EHMT2: variants seen among roughly 807,000 people sequenced by gnomAD.
EHMT2 encodes the protein histone-lysine N-methyltransferase EHMT2.
A neutral mutation model predicts 143.3 loss-of-function variants in EHMT2; 59 were observed. That is an observed-to-expected ratio of 0.41 (90% confidence interval 0.33 to 0.51). EHMT2 has a LOEUF of 0.51. Among genes scored for constraint, EHMT2 ranks in the 20% least tolerant of loss-of-function variants. The pLI is 0.18. For missense variants in EHMT2, 1,174 were observed against 1,645.9 expected, an observed-to-expected ratio of 0.71 and a Z score of 4.96; for synonymous variants, 604 against 651.5, an observed-to-expected ratio of 0.93 and a Z score of 1.11.
At chr6:31,886,885 T>C (rs1250372366) in exon 17 of EHMT2, 6 of 1,614,036 alleles carry the variant, frequency 3.7e-6, no homozygotes, top group Non-Finnish European at 5.1e-6. Context: ...ACTGCATTTA[T>C]GTTGGCTCCA....
rs1764335239 is a variant in EHMT2, at chr6:31,883,162, C to T, written c.2995-153G>A. On this transcript the variant is annotated intron_variant, in intron 23 of 27. Transcript: ENST00000375537. The surrounding 1 kb of genome is among the most constrained non-coding windows in gnomAD (Gnocchi z 5.6). ...AGAGCACGAAATGCAGGAGCATCATCCCTGGTTTGCATAGACCTGGGCACA... is the reference window on the plus strand; with the variant it reads ...AGAGCACGAAATGCAGGAGCATCATTCCTGGTTTGCATAGACCTGGGCACA... The T allele has an allele frequency of 1.2e-6, 1 of 862,594 alleles. No individual in the cohort carries two copies. The highest frequency in any genetic ancestry group is 1.9e-6 in the Non-Finnish European group (1 of 538,836). 53.4% of individuals were successfully genotyped at this position (862,594 alleles called of 1,614,324 possible).
intron 4 of EHMT2, 26 bp from the exon 5 acceptor site, chr6:31,892,936 A>G (rs1285104184): frequency 6.7e-7 from 1 of 1,501,464 alleles, no homozygotes; most frequent in Non-Finnish European, 9.0e-7. Context: ...GAGCACACTG[A>G]GGGTCAGAGA....
At chr6:31,892,991 G>C (rs1457031647) in intron 4 of EHMT2, 81 bp from the exon 5 acceptor site, 12 of 882,500 alleles carry the variant, frequency 1.4e-5, no homozygotes, top group Non-Finnish European at 2.1e-5. Flanking sequence ...CCAGGCGGGG[G>C]TGGGGTAGTG....
At position 31,884,942 on chromosome 6, in the gene EHMT2, C is replaced by T. The variant is rs149474546; in HGVS notation, c.2418G>A (p.Thr806=). 1.4e-5 allele frequency: 23 copies of T among 1,609,340 alleles called. No individual in the cohort carries two copies. The highest frequency in any genetic ancestry group is 1.0e-4 in the Admixed American group (6 of 59,946). ...CAGTGAGGGTGACGTCGGCGCCCCG[C>T]GTCAGTAGCATGCGGATCACCTCGA... The change falls in exon 19 of 28, where the codon ACG becomes ACA. Residue 806 remains threonine, a synonymous_variant. Transcript: ENST00000375537. This position sits in a 1 kb window ranked among gnomAD's most constrained non-coding sequence, Gnocchi z 7.3.
rs776962892 is a variant in EHMT2 at position 31,883,885 on chromosome 6, C to T, written c.2837G>A (p.Cys946Tyr). ...TGAGATGTACTTGTAATCCTCAGGG[C>T]AGGGCTCCCCATCCACACCGTTGAC... The change falls in exon 22 of 28, where the codon TGC (cysteine) becomes TAC (tyrosine). Residue 946 changes from cysteine (C) to tyrosine (Y), a missense_variant. Physicochemically the swap from Cys to Tyr is radical, Grantham distance 194. Around this residue, in one of 6 missense-constraint regions of EHMT2, gnomAD observed 608 missense variants for 903.7 expected, o/e 0.67. Coordinates refer to ENST00000375537, the Ensembl canonical transcript of EHMT2. The surrounding 1 kb of genome is among the most constrained non-coding windows in gnomAD (Gnocchi z 5.6). 11 of 1,613,914 alleles carry T rather than the reference C, an allele frequency of 6.8e-6. No individual in the cohort carries two copies. Among genetic ancestry groups the T allele is most frequent in the Non-Finnish European group, 8.5e-6 (10 of 1,179,978 alleles).
Position 31,883,989 on chromosome 6 carries a change from A to AG in EHMT2, c.2772-40dup, listed in dbSNP as rs1428838016. Reference sequence around the variant, plus strand: ...GAAGAAGGGGCTGGGAAGCTGGAAAAGGGGGTGAGGAGCTACTCCAGGTAT... The same window carrying AG: ...GAAGAAGGGGCTGGGAAGCTGGAAAAGGGGGGTGAGGAGCTACTCCAGGTAT... On this transcript the variant is annotated intron_variant, in intron 21 of 27. Transcript: ENST00000375537. This position sits in a 1 kb window ranked among gnomAD's most constrained non-coding sequence, Gnocchi z 5.6. 3.1e-6 allele frequency: 5 copies of AG among 1,600,628 alleles called. No homozygotes were observed. In the African/African-American group the frequency reaches 6.7e-5, roughly 21 times the overall value.
Position 31,889,048 on chromosome 6 carries a change from T to C in EHMT2, c.1137A>G (p.Ser379=). The C allele has an allele frequency of 6.2e-7, 1 of 1,604,372 alleles. No homozygotes were observed. The highest frequency in any genetic ancestry group is 8.5e-7 in the Non-Finnish European group (1 of 1,176,636). ...GGACCTCCATGTACTCACTGGGGCCTGAGGAGCCCACACCATTCACTCCTG... is the reference window on the plus strand; with the variant it reads ...GGACCTCCATGTACTCACTGGGGCCCGAGGAGCCCACACCATTCACTCCTG... Residue 379 remains serine, a synonymous_variant, in exon 10 of 28, where the codon TCA becomes TCG. Transcript: ENST00000375537. This position sits in a 1 kb window ranked among gnomAD's most constrained non-coding sequence, Gnocchi z 5.1.
chr6:31,895,218 T>C (rs999768731), intron 4 of EHMT2, among the ~76,000 whole-genome samples: 1 of 152,220 alleles, frequency 6.6e-6, no homozygotes, highest in African/African-American at 2.4e-5. Flanking sequence ...TGTACCTGAC[T>C]AGGGTGCTGC....
chr6:31,882,635 T>G, intron 25 of EHMT2, 64 bp downstream of exon 25: 1 of 1,490,984 alleles, frequency 6.7e-7, no homozygotes, highest in Non-Finnish European at 9.2e-7. Flanking sequence ...GAGGGAGGCC[T>G]GGCAGTCAGC....
rs1766060811 is a variant in EHMT2, at chr6:31,894,184, T to C, written c.583-1274A>G. ...TTTTTGAGACAGAGTTTTGCTCTTG[T>C]TGTCCAGGCTGGAGTGCAATGGCAG... On this transcript the variant is annotated intron_variant, in intron 4 of 27. Transcript: ENST00000375537. 2.0e-5 allele frequency among the ~76,000 whole-genome samples: 3 copies of C among 151,988 alleles called. No individual in the cohort carries two copies. The South Asian group carries it at 6.2e-4, about 32-fold the overall frequency.
In EHMT2 at chr6:31,896,915, G is replaced by C. The variant is rs568631392; in HGVS notation, c.109+8C>G. On this transcript the variant is annotated splice_region_variant and intron_variant, in intron 2 of 27. Coordinates refer to ENST00000375537, the Ensembl canonical transcript of EHMT2. ...GGTCCAATTGGGGCCCGTTTTAGCT[G>C]CACTCACCTCTCTCGGTGGCTCCTC... 1 of 1,606,594 alleles carries C rather than the reference G, an allele frequency of 6.2e-7. No individual in the cohort carries two copies. The highest frequency in any genetic ancestry group is 1.1e-5 in the South Asian group (1 of 90,738).
At chr6:31,895,350 T>C (rs1405199516) in intron 4 of EHMT2, 6 of 152,258 alleles carry the variant, frequency 3.9e-5, no homozygotes, top group Non-Finnish European at 8.8e-5. Context: ...TCTTTTCCTT[T>C]GTTATTTCTT....
In EHMT2 at chr6:31,888,982, G is replaced by A. The variant is rs751571676; in HGVS notation, c.1203C>T (p.Ser401=). The A allele has an allele frequency of 6.3e-7, 1 of 1,599,992 alleles. No homozygotes were observed. Among genetic ancestry groups the A allele is most frequent in the Non-Finnish European group, 8.5e-7 (1 of 1,175,266 alleles). The change falls in exon 10 of 28, where the codon TCC becomes TCT. Residue 401 remains serine (S), a synonymous_variant. Coordinates refer to ENST00000375537, the Ensembl canonical transcript of EHMT2. This position sits in a 1 kb window ranked among gnomAD's most constrained non-coding sequence, Gnocchi z 7.4. Reference sequence around the variant, plus strand: ...ATTGGCAATTACCAGCGTGGTTGGGGGAGAGGGTCCCCTCGCTGGGCAGCT... The same window carrying A: ...ATTGGCAATTACCAGCGTGGTTGGGAGAGAGGGTCCCCTCGCTGGGCAGCT...
Position 31,888,985 on chromosome 6 carries a change from G to A in EHMT2, c.1200C>T (p.Leu400=), listed in dbSNP as rs1765302406. 2 of 1,599,966 alleles carry A rather than the reference G, an allele frequency of 1.3e-6. No individual in the cohort carries two copies. The highest frequency in any genetic ancestry group is 1.3e-5 in the African/African-American group (1 of 74,800). The change falls in exon 10 of 28, where the codon CTC becomes CTT. Residue 400 remains leucine, a synonymous_variant. Transcript: ENST00000375537. The surrounding 1 kb of genome is among the most constrained non-coding windows in gnomAD (Gnocchi z 7.4). ...GGCAATTACCAGCGTGGTTGGGGGA[G>A]AGGGTCCCCTCGCTGGGCAGCTCCA...
chr6:31,882,958 C>T, exon 24 of EHMT2: 1 of 1,612,930 alleles, frequency 6.2e-7, no homozygotes, highest in South Asian at 1.1e-5. Context: ...TGGTTACACT[C>T]GAAAATCAGC....
In EHMT2 at chr6:31,881,468, G is replaced by A. The variant is rs929851955; in HGVS notation, c.3198-376C>T. On this transcript the variant is annotated intron_variant, in intron 25 of 27. Coordinates refer to ENST00000375537, the Ensembl canonical transcript of EHMT2. The surrounding 1 kb of genome is among the most constrained non-coding windows in gnomAD (Gnocchi z 4.8). ...ACTGCAGGAAGAGCCAGAGGTACAG[G>A]AGTGGCAAGGAACTCAAGGCATGAT... is the stretch of plus-strand genomic sequence containing the variant. 2 of 341,726 alleles carry A rather than the reference G, an allele frequency of 5.9e-6. No homozygotes were observed. Among genetic ancestry groups the A allele is most frequent in the Non-Finnish European group, 5.6e-6 (1 of 178,498 alleles). 21.2% of individuals were successfully genotyped at this position (341,726 alleles called of 1,614,324 possible).
rs1437066796 is a variant in EHMT2 at position 31,896,172 on chromosome 6, T to C, written c.582+91A>G. The C allele has an allele frequency of 4.7e-6, 7 of 1,504,616 alleles. No homozygotes were observed. In the Admixed American group the frequency reaches 8.9e-5, roughly 19 times the overall value. The allele number at this position is 1,504,616 out of a possible 1,614,324, so 93.2% of individuals were successfully genotyped here. A position where few individuals can be genotyped will look rare whatever the true frequency, so the allele number is the denominator to read the frequency against. On this transcript the variant is annotated intron_variant, in intron 4 of 27. Transcript: ENST00000375537. ...GCAGCCCCTTGCTTAAATATGTGAATGAGTAAATGGAGTAGAAGCCTTAAG... is the reference window on the plus strand; with the variant it reads ...GCAGCCCCTTGCTTAAATATGTGAACGAGTAAATGGAGTAGAAGCCTTAAG...
intron 1 of EHMT2, 138 bp downstream of exon 1, chr6:31,897,498 G>T (rs1766718627): frequency 2.2e-5 from 6 of 278,104 alleles, no homozygotes; most frequent in Non-Finnish European, 2.9e-5. Flanking sequence ...ATCCGCCCCC[G>T]GTGCTGGCCC....
rs748102895 is a variant in EHMT2, at chr6:31,886,987, G to A, written c.2118+8C>T. On this transcript the variant is annotated splice_region_variant and intron_variant, in intron 16 of 27. Transcript: ENST00000375537. ...GTGAATGAGGCATGGGGCCGGGCCCGTGCTGACCTGCAGCAGCACATGGCA... is the reference window on the plus strand; with the variant it reads ...GTGAATGAGGCATGGGGCCGGGCCCATGCTGACCTGCAGCAGCACATGGCA... 29 of 1,613,698 alleles carry A rather than the reference G, an allele frequency of 1.8e-5. No homozygotes were observed. The highest frequency in any genetic ancestry group is 2.2e-5 in the East Asian group (1 of 44,894).
Sources: gnomAD v4.1 joint callset for allele counts (sites outside exome capture counted in the v4.1 genomes callset) on GRCh38, gnomAD v4.1.1 for gene constraint, gnomAD v4.1.1 regional missense constraint, Gnocchi (gnomAD v3.1) non-coding constraint, MANE v1.5 for transcripts, NCBI Gene and HGNC (gene_info 2026-07-23, HGNC 2026-07-21) for gene names.